Variants in OVCH1 observed in about 807,000 individuals in gnomAD.
The protein encoded by OVCH1 is ovochymase-1.
OVCH1 carries 139 observed loss-of-function variants against 138.4 expected under a neutral mutation model. That is an observed-to-expected ratio of 1.00 (90% CI 0.87 to 1.16). The LOEUF is 1.16. Ranked by LOEUF, OVCH1 falls within the 50% of genes most tolerant of loss-of-function variation. OVCH1 has a pLI of 0.00. For missense variants in OVCH1, 1,367 were observed against 1,357.9 expected (o/e 1.01, Z -0.11); for synonymous variants, 453 against 467.8 (o/e 0.97, Z 0.41).
At chr12:29,478,320 T>C (rs1942812776) in intron 9 of OVCH1, among the ~76,000 whole-genome samples, 1 of 152,168 alleles carries the variant, frequency 6.6e-6, no homozygotes, top group Non-Finnish European at 1.5e-5. Flanking sequence ...AGAGATTATC[T>C]CTAGGTGACA....
chr12:29,436,564 T>A (rs1222214402), intron 26 of OVCH1, among the ~76,000 whole-genome samples: 1 of 152,254 alleles, frequency 6.6e-6, no homozygotes, highest in East Asian at 1.9e-4. Flanking sequence ...ACTTCAAGAA[T>A]GAAGCCGCAG....
chr12:29,420,927 G>A (rs917795053), intron 3 of OVCH1, among the ~76,000 whole-genome samples: 12 of 152,206 alleles, frequency 7.9e-5, no homozygotes, highest in Admixed American at 1.3e-4. Flanking sequence ...CTATATCAGC[G>A]GGAGCATAAA....
At position 29,444,742 on chromosome 12, in the gene OVCH1, T is replaced by TA. The variant is rs202212248; in HGVS notation, c.2882-463dup. On this transcript the variant is annotated intron_variant, in intron 23 of 27. Coordinates refer to ENST00000318184, the Ensembl canonical transcript of OVCH1. ...AGCTTTCAGTTGTCTACATCAAGAA[T>TA]AAAAAAAAATCTCACTAATTACATA... 8.2e-3 allele frequency among the ~76,000 whole-genome samples: 1,240 copies of TA among 151,546 alleles called. 19 individuals carry two copies. Among genetic ancestry groups the TA allele is most frequent in the African/African-American group, 0.027 (1,108 of 41,388 alleles).
At chr12:29,451,269 A>T in intron 22 of OVCH1, 76 bp downstream of exon 22, 1 of 1,181,328 alleles carries the variant, frequency 8.5e-7, no homozygotes, top group Non-Finnish European at 1.2e-6. Flanking sequence ...TTACCAAGTC[A>T]GACTCATTCC....
chr12:29,429,305 G>C (rs954083681), intron 27 of OVCH1, among the ~76,000 whole-genome samples: 1 of 152,128 alleles, frequency 6.6e-6, no homozygotes, highest in South Asian at 2.1e-4. Context: ...AGGAATTTTT[G>C]TACTAAAAAG....
chr12:29,438,562 TG>T (rs1220301104), intron 26 of OVCH1, among the ~76,000 whole-genome samples: 1 of 152,182 alleles, frequency 6.6e-6, no homozygotes, highest in African/African-American at 2.4e-5. Flanking sequence ...TTTTGGAACA[TG>T]GTACTTTTAT....
chr12:29,465,924 A>T (rs1352191746), intron 16 of OVCH1, among the ~76,000 whole-genome samples: 1 of 152,142 alleles, frequency 6.6e-6, no homozygotes, highest in Non-Finnish European at 1.5e-5. Flanking sequence ...GCCATAAAAA[A>T]GGATGAGTTC....
Position 29,443,232 on chromosome 12 carries a change from C to G in OVCH1, c.3157+129G>C, listed in dbSNP as rs966499270. ...ATCTGACACAAGTTTAACAGTAAGT[C>G]TATTTCAACATCCTATAAGAAGAGA... On this transcript the variant is annotated intron_variant, in intron 25 of 27. Coordinates refer to ENST00000318184, the Ensembl canonical transcript of OVCH1. 3.4e-6 allele frequency: 3 copies of G among 886,172 alleles called. No individual in the cohort carries two copies. The African/African-American group carries it at 5.1e-5, about 15-fold the overall frequency. The allele number at this position is 886,172 out of a possible 1,614,324, so 54.9% of individuals were successfully genotyped here.
In OVCH1 at chr12:29,487,751, A is replaced by C. The variant is rs763404506; in HGVS notation, c.834T>G (p.Leu278=). Residue 278 remains leucine, a synonymous_variant, in exon 7 of 28, where the codon CTT becomes CTG. Coordinates refer to ENST00000318184, the Ensembl canonical transcript of OVCH1. Reference sequence around the variant, plus strand: ...ACTCAGACACTTTGGAGAAAATGCCAAGTGATGCCTTCACATGGTTGTTTC... The same window carrying C: ...ACTCAGACACTTTGGAGAAAATGCCCAGTGATGCCTTCACATGGTTGTTTC... 4 of 1,606,564 alleles carry C rather than the reference A, an allele frequency of 2.5e-6. No homozygotes were observed. In the South Asian group the frequency reaches 4.5e-5, roughly 18 times the overall value.
intron 7 of OVCH1, chr12:29,486,939 G>C (rs1282176895): frequency 2.2e-6 from 1 of 455,768 alleles, no homozygotes; most frequent in Non-Finnish European, 4.4e-6. Flanking sequence ...CCCTGCAGTG[G>C]AGCAGTGAAG....
intron 8 of OVCH1, among the ~76,000 whole-genome samples, chr12:29,484,057 C>T: frequency 6.6e-6 from 1 of 152,130 alleles, no homozygotes; most frequent in East Asian, 1.9e-4. Context: ...CTTTGTAGTA[C>T]ACTATTCAAG....
exon 7 of OVCH1, chr12:29,487,735 C>G: frequency 3.1e-6 from 5 of 1,604,666 alleles, no homozygotes; most frequent in Non-Finnish European, 4.3e-6. Flanking sequence ...AACTCAGACA[C>G]TTTGGAGAAA....
chr12:29,496,144 A>G (rs752683649), intron 3 of OVCH1, 37 bp downstream of exon 3: 5 of 1,532,642 alleles, frequency 3.3e-6, no homozygotes, highest in Non-Finnish European at 4.5e-6. Context: ...ATAGCCAGGA[A>G]TCAAGGCCTG....
At chr12:29,464,352 T>C (rs1343865596) in intron 18 of OVCH1, 155 bp downstream of exon 18, 1 of 880,752 alleles carries the variant, frequency 1.1e-6, no homozygotes, top group Non-Finnish European at 1.8e-6. Context: ...GCTCATTCTC[T>C]ATTTACTTGC....
chr12:29,470,325 C>T lies in OVCH1; in HGVS notation c.1856+1477G>A, dbSNP rs1942459582. Among the ~76,000 whole-genome samples the T allele has an allele frequency of 3.3e-5, 5 of 152,122 alleles. No homozygotes were observed. In the South Asian group the frequency reaches 6.2e-4, roughly 19 times the overall value. On this transcript the variant is annotated intron_variant, in intron 16 of 27. Transcript: ENST00000318184. Reference sequence around the variant, plus strand: ...TGGTTTGCTGCACTTATCAACCTGTCGTCTAGGTTTTAAGCCCCACATGCA... The same window carrying T: ...TGGTTTGCTGCACTTATCAACCTGTTGTCTAGGTTTTAAGCCCCACATGCA...
intron 26 of OVCH1, among the ~76,000 whole-genome samples, chr12:29,436,737 G>A (rs774937010): frequency 2.8e-4 from 42 of 149,862 alleles, no homozygotes; most frequent in African/African-American, 5.8e-4. Flanking sequence ...TAAAAGTGGC[G>A]CATCCAGAGT....
chr12:29,434,773 TTA>T (rs1401319406), intron 26 of OVCH1, among the ~76,000 whole-genome samples: 2 of 152,168 alleles, frequency 1.3e-5, no homozygotes, highest in East Asian at 1.9e-4. Context: ...TAAAAAATTC[TTA>T]TGTTTGAAAT....
chr12:29,474,302 A>C (rs1003894078), intron 14 of OVCH1, among the ~76,000 whole-genome samples: 8 of 152,140 alleles, frequency 5.3e-5, no homozygotes, highest in African/African-American at 1.9e-4. Context: ...AGAGAGGCCA[A>C]GTTCTGACTC....
At chr12:29,480,033 A>G (rs890980709) in intron 8 of OVCH1, among the ~76,000 whole-genome samples, 4 of 152,032 alleles carry the variant, frequency 2.6e-5, no homozygotes, top group Admixed American at 2.6e-4. Context: ...CATATTGGCC[A>G]GGCTGGTCTT....
Sources: gnomAD v4.1 joint callset for allele counts (sites outside exome capture counted in the v4.1 genomes callset) on GRCh38, gnomAD v4.1.1 for gene constraint, MANE v1.5 for transcripts, NCBI Gene and HGNC (gene_info 2026-07-23, HGNC 2026-07-21) for gene names.